AP1G1: variants seen among roughly 807,000 people sequenced by gnomAD.
AP1G1 encodes AP-1 complex subunit gamma-1.
A neutral mutation model predicts 108.3 loss-of-function variants in AP1G1; 7 were observed. The ratio of observed to expected loss-of-function variants is 0.06; its 90% CI spans 0.04 to 0.12. AP1G1 has a LOEUF of 0.12. Among genes scored for constraint, AP1G1 ranks in the 10% least tolerant of loss-of-function variants. The pLI, the probability that AP1G1 is intolerant of heterozygous loss-of-function variation, is 1.00. For synonymous variants in AP1G1, 379 were observed against 353.5 expected, an observed-to-expected ratio of 1.07 and a Z score of -0.81; for missense variants, 756 against 1,010.7, an observed-to-expected ratio of 0.75 and a Z score of 3.42.
At chr16:71,755,306 G>A (rs547253876) in intron 12 of AP1G1, among the ~76,000 whole-genome samples, 4 of 152,000 alleles carry the variant, frequency 2.6e-5, no homozygotes, top group Non-Finnish European at 5.9e-5. Context: ...GTGTGGTGGC[G>A]TAAGCCTATG....
In AP1G1 at chr16:71,774,479, G is replaced by A. The variant is rs1215731807; in HGVS notation, c.315C>T (p.Asn105=). 8.1e-6 allele frequency: 13 copies of A among 1,600,390 alleles called. No individual in the cohort carries two copies. The highest frequency in any genetic ancestry group is 1.1e-5 in the Non-Finnish European group (13 of 1,176,844). The change falls in exon 3 of 23, where the codon AAC becomes AAT. Residue 105 remains asparagine, a synonymous_variant. Transcript: ENST00000299980. ...AAAGTAAGACTTACTTCTTGATACA[G>A]TTGGTCATGAGAAGATGGACATCTT... ...ERQDVHLLMT[N]CIKNDLNHST... is the part of the protein sequence containing the mutation.
chr16:71,754,942 G>A (rs1597049405), intron 12 of AP1G1, among the ~76,000 whole-genome samples: 2 of 152,114 alleles, frequency 1.3e-5, no homozygotes, highest in African/African-American at 2.4e-5. Flanking sequence ...GGCAGGAGAC[G>A]ATAAAGAAGA....
At chr16:71,791,019 G>C (rs1200994855) in intron 1 of AP1G1, among the ~76,000 whole-genome samples, 1 of 152,044 alleles carries the variant, frequency 6.6e-6, no homozygotes, top group Non-Finnish European at 1.5e-5. Flanking sequence ...TCAGAAGTTC[G>C]AAACCAGCCT....
intron 2 of AP1G1, among the ~76,000 whole-genome samples, chr16:71,786,674 T>G (rs906513563): frequency 6.6e-6 from 1 of 152,106 alleles, no homozygotes; most frequent in Non-Finnish European, 1.5e-5. Context: ...TTGGCCAGGA[T>G]AGCCTCTATC....
intron 2 of AP1G1, among the ~76,000 whole-genome samples, chr16:71,786,138 C>T (rs1171127111): frequency 6.6e-6 from 1 of 152,130 alleles, no homozygotes; most frequent in Non-Finnish European, 1.5e-5. Flanking sequence ...ACAGTTTTCT[C>T]GAGCATTTAC....
intron 3 of AP1G1, 21 bp downstream of exon 3, chr16:71,774,447 A>G: frequency 6.3e-7 from 1 of 1,587,016 alleles, no homozygotes; most frequent in South Asian, 1.2e-5. Context: ...AGTTGTTAGA[A>G]GAAAGAAAAG....
At chr16:71,769,884 C>A (rs1432750215) in intron 5 of AP1G1, among the ~76,000 whole-genome samples, 185 bp from the exon 6 acceptor site, 1 of 152,208 alleles carries the variant, frequency 6.6e-6, no homozygotes, top group Non-Finnish European at 1.5e-5. Flanking sequence ...TGATTTAAAA[C>A]TGGCCAAGTT....
chr16:71,758,977 T>C, intron 10 of AP1G1, 56 bp from the exon 11 acceptor site: 3 of 995,380 alleles, frequency 3.0e-6, no homozygotes, highest in Non-Finnish European at 4.6e-6. Flanking sequence ...AGGATAGTTT[T>C]TCTCCGTTTA....
rs147289246 is a variant in AP1G1 at position 71,774,715 on chromosome 16, T to C, written c.202-123A>G. 2.2e-5 allele frequency: 23 copies of C among 1,042,814 alleles called. No homozygotes were observed. In the African/African-American group the frequency reaches 3.0e-4, roughly 14 times the overall value. The allele number at this position is 1,042,814 out of a possible 1,614,324, so 64.6% of individuals were successfully genotyped here. A position where few individuals can be genotyped will look rare whatever the true frequency, so the allele number is the denominator to read the frequency against. On this transcript the variant is annotated intron_variant, in intron 2 of 22. Transcript: ENST00000299980. ...AAAGTACAAATGTGTTTCATCAAAC[T>C]ACCTAAATCTTTTCTTTTTTTTGAG...
chr16:71,772,381 G>A (rs1028061832), intron 4 of AP1G1, among the ~76,000 whole-genome samples: 2 of 152,060 alleles, frequency 1.3e-5, no homozygotes, highest in South Asian at 2.1e-4. Context: ...CACCCATCTT[G>A]GCCTCCCAAA....
chr16:71,786,240 T>C (rs917971241), intron 2 of AP1G1, among the ~76,000 whole-genome samples: 1 of 152,128 alleles, frequency 6.6e-6, no homozygotes, highest in African/African-American at 2.4e-5. Flanking sequence ...TTTAAACATA[T>C]TAAAGAAATG....
At chr16:71,783,735 G>A (rs144416039) in intron 2 of AP1G1, among the ~76,000 whole-genome samples, 134 of 152,270 alleles carry the variant, frequency 8.8e-4, no homozygotes, top group African/African-American at 2.9e-3. Flanking sequence ...GCACACTACT[G>A]ACATATGGAA....
intron 1 of AP1G1, among the ~76,000 whole-genome samples, chr16:71,793,633 C>T (rs1325731879): frequency 3.9e-5 from 6 of 152,150 alleles, no homozygotes; most frequent in Admixed American, 6.5e-5. Flanking sequence ...CCACTAAGGT[C>T]CTAAGAGCAC....
chr16:71,803,338 C>G (rs986549585), intron 1 of AP1G1, among the ~76,000 whole-genome samples: 2 of 152,072 alleles, frequency 1.3e-5, no homozygotes, highest in Non-Finnish European at 2.9e-5. Flanking sequence ...TTGTTGCCAA[C>G]ATTTATGATT....
chr16:71,753,660 A>C, intron 13 of AP1G1, 173 bp downstream of exon 13: 1 of 659,110 alleles, frequency 1.5e-6, no homozygotes, highest in Non-Finnish European at 2.7e-6. Flanking sequence ...TCCTGCCATC[A>C]TTATATTCCT....
At chr16:71,807,998 T>C (rs956248516) in intron 1 of AP1G1, 53 of 1,218,786 alleles carry the variant, frequency 4.3e-5, no homozygotes, top group Non-Finnish European at 5.4e-5. Context: ...AAACATAATC[T>C]GCTTCATAAA....
chr16:71,734,866 A>C (rs112931773), intron 21 of AP1G1, among the ~76,000 whole-genome samples, 159 bp from the exon 22 acceptor site: 7 of 152,384 alleles, frequency 4.6e-5, no homozygotes, highest in African/African-American at 1.7e-4. Flanking sequence ...AGGAATTCAC[A>C]GCACGTGAGT....
chr16:71,761,882 G>T (rs572226659), intron 9 of AP1G1, among the ~76,000 whole-genome samples: 174 of 151,192 alleles, frequency 1.2e-3, no homozygotes, highest in African/African-American at 4.0e-3. Flanking sequence ...TATTCTAAAG[G>T]TAAGTGCTGG....
At chr16:71,772,956 T>C in intron 4 of AP1G1, 1 of 506,022 alleles carries the variant, frequency 2.0e-6, no homozygotes, top group Non-Finnish European at 3.7e-6. Flanking sequence ...CTGTTCATAA[T>C]CACCTTGCTG....
Sources: gnomAD v4.1 joint callset for allele counts (sites outside exome capture counted in the v4.1 genomes callset) on GRCh38, gnomAD v4.1.1 for gene constraint, MANE v1.5 for transcripts, NCBI Gene and HGNC (gene_info 2026-07-23, HGNC 2026-07-21) for gene names.